TMEM164: variants seen among roughly 807,000 people sequenced by gnomAD.
TMEM164 encodes RP13-360B22.2.
TMEM164 carries 4 observed loss-of-function variants against 18.8 expected under a neutral mutation model. The ratio of observed to expected loss-of-function variants is 0.21; its 90% CI spans 0.10 to 0.49. The LOEUF is 0.49. Among genes scored for constraint, TMEM164 ranks in the 20% least tolerant of loss-of-function variants. TMEM164 has a pLI of 0.98. For synonymous variants in TMEM164, 86 were observed against 101.7 expected, an observed-to-expected ratio of 0.85 and a Z score of 0.93; for missense variants, 108 against 239.9, an observed-to-expected ratio of 0.45 and a Z score of 3.63.
intron 5 of TMEM164, among the ~76,000 whole-genome samples, chrX:110,155,626 G>A (rs1332869137): frequency 1.8e-5 from 2 of 111,236 alleles, no homozygotes; most frequent in Non-Finnish European, 3.8e-5. Context: ...CTCAGCCTCT[G>A]TTACCAGGAC....
At chrX:110,048,120 A>G (rs1436536399) in intron 2 of TMEM164, among the ~76,000 whole-genome samples, 1 of 111,413 alleles carries the variant, frequency 9.0e-6, no homozygotes, top group African/African-American at 3.3e-5. Context: ...AAAAGGAACT[A>G]CTTTAAGTTC....
intron 2 of TMEM164, among the ~76,000 whole-genome samples, chrX:110,054,243 T>C (rs997413974): frequency 9.8e-5 from 11 of 112,140 alleles, no homozygotes; most frequent in African/African-American, 2.9e-4. Context: ...TGAACTAATA[T>C]GTGTAAGACA....
intron 3 of TMEM164, among the ~76,000 whole-genome samples, chrX:110,082,626 G>A (rs1281443453): frequency 9.0e-6 from 1 of 111,293 alleles, no homozygotes; most frequent in East Asian, 2.8e-4. Flanking sequence ...GAACTAGCCT[G>A]CCTCACCAGT....
chrX:110,038,767 A>C (rs1934962345), intron 2 of TMEM164, among the ~76,000 whole-genome samples: 1 of 103,693 alleles, frequency 9.6e-6, no homozygotes, highest in South Asian at 4.7e-4. Flanking sequence ...TGTGAGTAGC[A>C]CTTCTCCCTT....
At chrX:110,150,036 G>C (rs1480044843) in intron 5 of TMEM164, among the ~76,000 whole-genome samples, 1 of 111,895 alleles carries the variant, frequency 8.9e-6, no homozygotes, top group Non-Finnish European at 1.9e-5. Context: ...GCTAGTGGGG[G>C]TGGAGTGGGG....
At chrX:110,106,728 A>G (rs1009815037) in intron 3 of TMEM164, among the ~76,000 whole-genome samples, 1 of 110,880 alleles carries the variant, frequency 9.0e-6, no homozygotes, top group Non-Finnish European at 1.9e-5. Flanking sequence ...CCTCTCCCAG[A>G]GTGAGTCTTT....
chrX:110,007,004 C>A (rs1280802624), intron 2 of TMEM164, among the ~76,000 whole-genome samples: 1 of 112,194 alleles, frequency 8.9e-6, no homozygotes, highest in Non-Finnish European at 1.9e-5. Context: ...TATAAAAAGG[C>A]CTTCTTCCTC....
intron 3 of TMEM164, among the ~76,000 whole-genome samples, chrX:110,088,004 T>C (rs917959421): frequency 3.6e-5 from 4 of 112,035 alleles, no homozygotes; most frequent in Non-Finnish European, 7.5e-5. Flanking sequence ...GCCTGACACG[T>C]GATCTTGGCA....
At chrX:110,012,646 G>A (rs914749808) in intron 2 of TMEM164, among the ~76,000 whole-genome samples, 4 of 111,863 alleles carry the variant, frequency 3.6e-5, no homozygotes, top group African/African-American at 1.3e-4. Flanking sequence ...TCATATTAAT[G>A]TAAATCTCCC....
chrX:110,043,277 C>T (rs923687701), intron 2 of TMEM164, among the ~76,000 whole-genome samples: 4 of 112,888 alleles, frequency 3.5e-5, no homozygotes, highest in African/African-American at 1.3e-4. Context: ...TTTTCAATTA[C>T]AACACTTTAG....
chrX:110,108,258 A>G (rs957170212), intron 3 of TMEM164, among the ~76,000 whole-genome samples: 16 of 110,189 alleles, frequency 1.5e-4, no homozygotes, highest in African/African-American at 4.6e-4. Flanking sequence ...CATCTCTCTT[A>G]GTAGTAAAGA....
intron 2 of TMEM164, among the ~76,000 whole-genome samples, chrX:110,044,876 T>C (rs1569305701): frequency 9.1e-6 from 1 of 110,411 alleles, no homozygotes. Context: ...CAACAGGGAA[T>C]TGATAAGAGA....
chrX:110,071,083 T>C (rs2065580602), intron 3 of TMEM164, among the ~76,000 whole-genome samples: 1 of 111,533 alleles, frequency 9.0e-6, no homozygotes, highest in Non-Finnish European at 1.9e-5. Flanking sequence ...TCCTCCATAT[T>C]TGCTGTTGGT....
At position 110,070,143 on chromosome X, in the gene TMEM164, G is replaced by A. The variant is rs752538881; in HGVS notation, c.440+2747G>A. Reference sequence around the variant, plus strand: ...CTAGCCTGGCTAACATAGTGAAACCGCATCTCTACTAAAAATACAAAAATT... The same window carrying A: ...CTAGCCTGGCTAACATAGTGAAACCACATCTCTACTAAAAATACAAAAATT... On this transcript the variant is annotated intron_variant, in intron 3 of 6. Coordinates refer to ENST00000372068, the MANE Select transcript of TMEM164 (RefSeq NM_032227.4). 9.0e-5 allele frequency among the ~76,000 whole-genome samples: 10 copies of A among 110,500 alleles called. No homozygotes were observed. The East Asian group carries it at 2.3e-3, about 26-fold the overall frequency.
At position 110,132,753 on chromosome X, in the gene TMEM164, GT is replaced by G. The variant is rs1224916459; in HGVS notation, c.508-12040del. Reference sequence around the variant, plus strand: ...TATTTCTCCAGTCTCCTTGAGATGGGTTTTTGGTCATTTCCAGTATTTTACT... The same window carrying G: ...TATTTCTCCAGTCTCCTTGAGATGGGTTTTGGTCATTTCCAGTATTTTACT... On this transcript the variant is annotated intron_variant, in intron 4 of 6. Transcript: ENST00000372068. Among the ~76,000 whole-genome samples the G allele has an allele frequency of 1.1e-4, 12 of 111,761 alleles. No individual in the cohort carries two copies. The East Asian group carries it at 2.8e-3, about 26-fold the overall frequency.
intron 2 of TMEM164, among the ~76,000 whole-genome samples, chrX:110,006,604 T>A (rs1432598034): frequency 9.0e-6 from 1 of 110,688 alleles, no homozygotes; most frequent in Non-Finnish European, 1.9e-5. Flanking sequence ...AAAAAAAAAA[T>A]TAACAGCAGA....
chrX:110,037,294 A>G (rs1174847134), intron 2 of TMEM164, among the ~76,000 whole-genome samples: 4 of 111,477 alleles, frequency 3.6e-5, no homozygotes, highest in African/African-American at 1.3e-4. Flanking sequence ...ATAGGGAACC[A>G]TTAAAGATTC....
At position 110,174,889 on chromosome X, in the gene TMEM164, AGTTGACCTAGAC is replaced by A. The variant is rs1422291027; in HGVS notation, c.*1439_*1450del. 1 of 112,304 alleles carries A rather than the reference AGTTGACCTAGAC, an allele frequency of 8.9e-6. No homozygotes were observed. The highest frequency in any genetic ancestry group is 3.2e-5 in the African/African-American group (1 of 30,874). 9.3% of individuals were successfully genotyped at this position (112,304 alleles called of 1,213,427 possible). On this transcript the variant is annotated 3_prime_UTR_variant, in exon 7 of 7. Coordinates refer to ENST00000372068, the MANE Select transcript of TMEM164 (RefSeq NM_032227.4). ...TCCCCTGTCCCACTCTAGGCAACAC[AGTTGACCTAGAC>A]CAGTTCCAGTATTTCCAGTTTGACC...
At chrX:110,012,154 A>G (rs1376678554) in intron 2 of TMEM164, among the ~76,000 whole-genome samples, 1 of 112,161 alleles carries the variant, frequency 8.9e-6, no homozygotes, top group East Asian at 2.8e-4. Flanking sequence ...TGCAACCAGT[A>G]GATGCTTTTT....
Sources: gnomAD v4.1 joint callset for allele counts (sites outside exome capture counted in the v4.1 genomes callset) on GRCh38, gnomAD v4.1.1 for gene constraint, MANE v1.5 for transcripts, NCBI Gene and HGNC (gene_info 2026-07-23, HGNC 2026-07-21) for gene names.